Variants in PLXNA2 observed in about 807,000 individuals in gnomAD.
PLXNA2 encodes plexin-A2.
PLXNA2 carries 91 observed loss-of-function variants against 193.5 expected under a neutral mutation model. The ratio of observed to expected loss-of-function variants is 0.47; its 90% confidence interval spans 0.40 to 0.56. PLXNA2 has a LOEUF of 0.56. Among genes scored for constraint, PLXNA2 ranks in the 20% least tolerant of loss-of-function variants. The probability of loss-of-function intolerance (pLI) is 0.00; values close to 1 mark genes in which losing one functional copy is unlikely to be tolerated. For missense variants in PLXNA2, 1,995 were observed against 2,503.2 expected (o/e 0.80, Z 4.33); for synonymous variants, 997 against 1,027.3 (o/e 0.97, Z 0.56).
At chr1:208,096,375 C>T (rs569594758) in intron 7 of PLXNA2, among the ~76,000 whole-genome samples, 96 of 152,252 alleles carry the variant, frequency 6.3e-4, no homozygotes, top group Non-Finnish European at 1.3e-3. Flanking sequence ...GAGCCCCTTG[C>T]CTTTGTCAGT....
chr1:208,038,573 C>T lies in PLXNA2; in HGVS notation c.4661-99G>A. 3.1e-6 allele frequency: 3 copies of T among 968,512 alleles called. No homozygotes were observed. Among genetic ancestry groups the T allele is most frequent in the Non-Finnish European group, 3.3e-6 (2 of 607,268 alleles). 60.0% of individuals were successfully genotyped at this position (968,512 alleles called of 1,614,324 possible). ...CTTCTCTAGGGACCTGGCAACCCGG[C>T]CCCCTCAAGCTGGTACCAATAACAG... On this transcript the variant is annotated intron_variant, in intron 25 of 31. Transcript: ENST00000367033. This position sits in a 1 kb window ranked among gnomAD's most constrained non-coding sequence, Gnocchi z 4.1.
chr1:208,090,234 A>G (rs1666665527), intron 9 of PLXNA2, among the ~76,000 whole-genome samples: 1 of 152,096 alleles, frequency 6.6e-6, no homozygotes. Flanking sequence ...AGCATAAGAG[A>G]GCAGCCGTAC....
At chr1:208,084,119 T>A (rs1034187919) in intron 10 of PLXNA2, among the ~76,000 whole-genome samples, 5 of 152,294 alleles carry the variant, frequency 3.3e-5, no homozygotes, top group Admixed American at 2.0e-4. Flanking sequence ...ATTTAAAATT[T>A]AAAAAATCAA....
At chr1:208,238,249 T>G (rs1014569589) in intron 1 of PLXNA2, among the ~76,000 whole-genome samples, 2 of 152,224 alleles carry the variant, frequency 1.3e-5, no homozygotes, top group Non-Finnish European at 2.9e-5. Context: ...TCCCTCCTCC[T>G]CTTCCCTCTG....
intron 4 of PLXNA2, among the ~76,000 whole-genome samples, chr1:208,136,528 G>C (rs1319716935): frequency 2.0e-5 from 3 of 152,224 alleles, no homozygotes; most frequent in African/African-American, 7.2e-5. Flanking sequence ...CAGGCTCACA[G>C]GTTCCTCCTC....
chr1:208,120,077 G>T (rs1426417043), intron 4 of PLXNA2, among the ~76,000 whole-genome samples: 1 of 152,170 alleles, frequency 6.6e-6, no homozygotes, highest in Non-Finnish European at 1.5e-5. Context: ...ACAGGGCTTT[G>T]GTGTCTCTGC....
At chr1:208,182,478 A>G (rs183407634) in intron 3 of PLXNA2, among the ~76,000 whole-genome samples, 7 of 152,070 alleles carry the variant, frequency 4.6e-5, no homozygotes, top group Admixed American at 4.6e-4. Context: ...AATCAGAACC[A>G]CCAAAAAACT....
rs1666371221 is a variant in PLXNA2, at chr1:208,082,311, A to G, written c.2395+101T>C. ...AGAGTTCCGCCGACAGAGGGAGTGTATTATTCATGGCACAGCGGCTGGCTG... is the reference window on the plus strand; with the variant it reads ...AGAGTTCCGCCGACAGAGGGAGTGTGTTATTCATGGCACAGCGGCTGGCTG... On this transcript the variant is annotated intron_variant, in intron 11 of 31. Coordinates refer to ENST00000367033, the MANE Select transcript of PLXNA2 (RefSeq NM_025179.4). This position sits in a 1 kb window ranked among gnomAD's most constrained non-coding sequence, Gnocchi z 4.2. The G allele has an allele frequency of 3.5e-6, 3 of 862,330 alleles. No individual in the cohort carries two copies. Among genetic ancestry groups the G allele is most frequent in the Middle Eastern group, 4.4e-4 (2 of 4,542 alleles). The allele number at this position is 862,330 out of a possible 1,614,324, so 53.4% of individuals were successfully genotyped here. A position where few individuals can be genotyped will look rare whatever the true frequency, so the allele number is the denominator to read the frequency against.
chr1:208,178,696 CGAG>C (rs1441471255), intron 3 of PLXNA2, among the ~76,000 whole-genome samples: 2 of 152,088 alleles, frequency 1.3e-5, no homozygotes, highest in African/African-American at 2.4e-5. Context: ...CAGGAGGATG[CGAG>C]GAGAAGAAGA....
At chr1:208,128,706 T>C (rs1668048323) in intron 4 of PLXNA2, among the ~76,000 whole-genome samples, 1 of 143,574 alleles carries the variant, frequency 7.0e-6, no homozygotes. Context: ...TTTTTTTTTT[T>C]TTTTTTTTTT....
intron 4 of PLXNA2, among the ~76,000 whole-genome samples, chr1:208,137,228 A>C (rs1447583540): frequency 6.6e-6 from 1 of 152,216 alleles, no homozygotes; most frequent in Non-Finnish European, 1.5e-5. Flanking sequence ...GCCATTCTCC[A>C]CTGTGACTCC....
In PLXNA2 at chr1:208,168,525, A is replaced by C. The variant is rs142439901; in HGVS notation, c.1372-26062T>G. Among the ~76,000 whole-genome samples the C allele has an allele frequency of 1.1e-3, 174 of 152,076 alleles. 1 individual carries two copies. Among genetic ancestry groups the C allele is most frequent in the East Asian group, 0.01 (54 of 5,162 alleles). ...TTTGTATAATAATGCCATGAGGGGG[A>C]GTCTATTGCCCCCACTTTGCAGAAG... is the stretch of plus-strand genomic sequence containing the variant. On this transcript the variant is annotated intron_variant, in intron 3 of 31. Coordinates refer to ENST00000367033, the MANE Select transcript of PLXNA2 (RefSeq NM_025179.4).
intron 4 of PLXNA2, among the ~76,000 whole-genome samples, chr1:208,133,338 T>C (rs1436243831): frequency 3.3e-5 from 5 of 152,256 alleles, no homozygotes; most frequent in Non-Finnish European, 1.5e-5. Context: ...CTCCAGAATT[T>C]GACCACCTTG....
intron 3 of PLXNA2, among the ~76,000 whole-genome samples, chr1:208,143,778 C>T (rs1571963663): frequency 6.6e-6 from 1 of 151,884 alleles, no homozygotes; most frequent in South Asian, 2.1e-4. Flanking sequence ...TTGATTTGTT[C>T]ATTGTATATA....
At chr1:208,127,427 G>C (rs987258573) in intron 4 of PLXNA2, among the ~76,000 whole-genome samples, 5 of 152,200 alleles carry the variant, frequency 3.3e-5, no homozygotes, top group Non-Finnish European at 7.3e-5. Flanking sequence ...GACCAATGTG[G>C]CATGTCTTCT....
intron 2 of PLXNA2, among the ~76,000 whole-genome samples, chr1:208,212,293 T>C (rs932428222): frequency 6.6e-6 from 1 of 152,184 alleles, no homozygotes; most frequent in Non-Finnish European, 1.5e-5. Context: ...AACCAGGGAC[T>C]TCCGTTCCTT....
At chr1:208,110,529 TAAC>T (rs977876725) in intron 4 of PLXNA2, among the ~76,000 whole-genome samples, 2 of 152,144 alleles carry the variant, frequency 1.3e-5, no homozygotes, top group African/African-American at 4.8e-5. Flanking sequence ...GGAACAATAA[TAAC>T]AACAGCTGCA....
At chr1:208,168,277 T>A (rs560770006) in intron 3 of PLXNA2, among the ~76,000 whole-genome samples, 3 of 152,250 alleles carry the variant, frequency 2.0e-5, no homozygotes, top group African/African-American at 7.2e-5. Context: ...AGAGGTATTC[T>A]GTCCAGAGAA....
Position 208,216,861 on chromosome 1 carries a change from G to A in PLXNA2, c.1062C>T (p.Ala354=). ...KQYHHPPDDS[A]LCAFPIRAIN... ...TGGCCCGGATAGGGAAGGCACACAG[G>A]GCAGAGTCATCGGGCGGGTGGTGAT... The change falls in exon 2 of 32, where the codon GCC becomes GCT. Residue 354 remains alanine, a synonymous_variant. Coordinates refer to ENST00000367033, the MANE Select transcript of PLXNA2 (RefSeq NM_025179.4). 3 of 1,614,246 alleles carry A rather than the reference G, an allele frequency of 1.9e-6. No homozygotes were observed. The highest frequency in any genetic ancestry group is 1.7e-6 in the Non-Finnish European group (2 of 1,180,042).
Sources: gnomAD v4.1 joint callset for allele counts (sites outside exome capture counted in the v4.1 genomes callset) on GRCh38, gnomAD v4.1.1 for gene constraint, Gnocchi (gnomAD v3.1) non-coding constraint, MANE v1.5 for transcripts, NCBI Gene and HGNC (gene_info 2026-07-23, HGNC 2026-07-21) for gene names.